Variants in CLASP2 observed in about 807,000 individuals in gnomAD.
CLASP2 encodes the protein CLIP-associating protein 2.
CLASP2 carries 47 observed loss-of-function variants against 194.4 expected under a neutral mutation model. The ratio of observed to expected loss-of-function variants is 0.24; its 90% CI spans 0.19 to 0.31. The LOEUF (loss-of-function observed/expected upper bound fraction) is 0.31. Ranked by LOEUF, CLASP2 falls within the 10% of genes least tolerant of loss-of-function variation. The pLI is 1.00. For missense variants in CLASP2, 1,445 were observed against 1,823.6 expected (o/e 0.79, Z 3.78); for synonymous variants, 619 against 633.5 (o/e 0.98, Z 0.34).
intron 34 of CLASP2, among the ~76,000 whole-genome samples, chr3:33,525,262 C>A (rs1416564296): frequency 6.6e-6 from 1 of 151,876 alleles, no homozygotes; most frequent in Admixed American, 6.6e-5. Flanking sequence ...GAAAACAGTG[C>A]TAAGGGGGAA....
chr3:33,668,516 G>T (rs1161950386), intron 6 of CLASP2, among the ~76,000 whole-genome samples: 2 of 152,184 alleles, frequency 1.3e-5, no homozygotes, highest in Non-Finnish European at 2.9e-5. Flanking sequence ...ATATATGGTA[G>T]TGGAAAAAGG....
Position 33,594,612 on chromosome 3 carries a change from C to G in CLASP2, c.1966+339G>C, listed in dbSNP as rs572900152. Among the ~76,000 whole-genome samples, 52 of 151,144 alleles carry G rather than the reference C, an allele frequency of 3.4e-4. No homozygotes were observed. The South Asian group carries it at 9.2e-3, about 27-fold the overall frequency. ...AAATGAATTGGCATAAATAAAAAAA[C>G]AAAAACACAAACATGTAAGAAAAGC... On this transcript the variant is annotated intron_variant, in intron 20 of 38. Coordinates refer to ENST00000682230, the MANE Select transcript of CLASP2 (RefSeq NM_001365631.1).
chr3:33,571,155 A>G lies in CLASP2; in HGVS notation c.2700-365T>C, dbSNP rs531789089. Among the ~76,000 whole-genome samples, 8 of 151,476 alleles carry G rather than the reference A, an allele frequency of 5.3e-5. No homozygotes were observed. In the South Asian group the frequency reaches 1.5e-3, roughly 28 times the overall value. On this transcript the variant is annotated intron_variant, in intron 25 of 38. Transcript: ENST00000682230. ...CAGCCTCCCGAGTAGCTGGGAGTAC[A>G]GGCGCCCGCCACCTCGCCCAGCTAA...
chr3:33,592,655 A>AT (rs750897387), intron 20 of CLASP2, 159 bp from the exon 21 acceptor site: 1,549 of 630,640 alleles, frequency 2.5e-3, no homozygotes, highest in East Asian at 2.8e-3. Flanking sequence ...ATAAACAGTA[A>AT]TTTTTTTTTT....
chr3:33,642,193 C>T (rs192314570), intron 8 of CLASP2, among the ~76,000 whole-genome samples: 32 of 151,918 alleles, frequency 2.1e-4, no homozygotes, highest in African/African-American at 7.5e-4. Flanking sequence ...TTCGATCCAG[C>T]GAACTTTAGA....
chr3:33,647,247 T>G (rs1472891944), intron 7 of CLASP2, among the ~76,000 whole-genome samples: 2 of 152,078 alleles, frequency 1.3e-5, no homozygotes, highest in African/African-American at 4.8e-5. Flanking sequence ...GATTTTAGAT[T>G]AATAATTTAT....
intron 28 of CLASP2, 22 bp downstream of exon 28, chr3:33,560,785 GA>G: frequency 6.2e-7 from 1 of 1,604,964 alleles, no homozygotes; most frequent in Non-Finnish European, 8.5e-7. Flanking sequence ...AGGTTAACTT[GA>G]AATATATGAA....
At chr3:33,623,288 T>A (rs758837708) in intron 10 of CLASP2, among the ~76,000 whole-genome samples, 2 of 152,170 alleles carry the variant, frequency 1.3e-5, no homozygotes, top group African/African-American at 4.8e-5. Context: ...TCCACTCTTT[T>A]AGTTATTTTG....
intron 25 of CLASP2, among the ~76,000 whole-genome samples, chr3:33,572,571 G>A (rs1392546874): frequency 1.3e-5 from 2 of 151,880 alleles, no homozygotes; most frequent in African/African-American, 4.8e-5. Context: ...GGCAAGTAGG[G>A]GGAAAAAACA....
At chr3:33,552,689 G>T (rs1328904903) in intron 29 of CLASP2, among the ~76,000 whole-genome samples, 2 of 152,116 alleles carry the variant, frequency 1.3e-5, no homozygotes, top group African/African-American at 2.4e-5. Context: ...CATCGTTTCA[G>T]TCACCCCTTT....
At chr3:33,683,214 C>T (rs896133276) in intron 6 of CLASP2, 2 of 152,234 alleles carry the variant, frequency 1.3e-5, no homozygotes, top group South Asian at 4.1e-4. Context: ...TAATTACATA[C>T]TAAATAATAA....
At chr3:33,569,849 T>C (rs182994816) in intron 26 of CLASP2, among the ~76,000 whole-genome samples, 148 of 152,292 alleles carry the variant, frequency 9.7e-4, no homozygotes, top group African/African-American at 3.5e-3. Flanking sequence ...GGGATTTCAT[T>C]ATCTTTAAGT....
chr3:33,613,426 G>C (rs1279141392), intron 12 of CLASP2, among the ~76,000 whole-genome samples: 2 of 152,178 alleles, frequency 1.3e-5, no homozygotes, highest in Non-Finnish European at 2.9e-5. Flanking sequence ...CAGCTCTCTA[G>C]CTGAAATAAT....
At chr3:33,681,162 A>G (rs1414913986) in intron 6 of CLASP2, among the ~76,000 whole-genome samples, 4 of 151,468 alleles carry the variant, frequency 2.6e-5, no homozygotes, top group Non-Finnish European at 5.9e-5. Context: ...ATTTCAATAT[A>G]AATTTAGAAA....
intron 26 of CLASP2, among the ~76,000 whole-genome samples, chr3:33,570,410 T>C (rs1045389113): frequency 6.6e-6 from 1 of 152,162 alleles, no homozygotes; most frequent in Admixed American, 6.5e-5. Flanking sequence ...AAAAACCTTT[T>C]CAACTTACCC....
chr3:33,557,672 TA>T (rs2061196817), intron 29 of CLASP2, among the ~76,000 whole-genome samples: 1 of 152,220 alleles, frequency 6.6e-6, no homozygotes, highest in African/African-American at 2.4e-5. Context: ...CAGGAACACC[TA>T]GCACACTGCC....
At chr3:33,528,645 C>T (rs2055282319) in intron 34 of CLASP2, among the ~76,000 whole-genome samples, 1 of 152,022 alleles carries the variant, frequency 6.6e-6, no homozygotes, top group African/African-American at 2.4e-5. Flanking sequence ...GCCTGTAGTC[C>T]CAGCTACTTG....
chr3:33,546,998 T>C (rs2059249759), intron 30 of CLASP2, among the ~76,000 whole-genome samples: 1 of 152,238 alleles, frequency 6.6e-6, no homozygotes, highest in Non-Finnish European at 1.5e-5. Context: ...TATTTTCCTG[T>C]ATCTATTGAG....
rs758943468 is a variant in CLASP2, at chr3:33,696,855, C to T, written c.274G>A (p.Val92Ile). Residue 92 changes from valine to isoleucine, a missense_variant and splice_region_variant, in exon 2 of 39, where the codon GTT becomes ATT. By Grantham distance (29) the Val-to-Ile change is conservative. This residue lies in a region of CLASP2 where 332 missense variants were observed against 325.3 expected (regional missense o/e 1.02). Coordinates refer to ENST00000682230, the MANE Select transcript of CLASP2 (RefSeq NM_001365631.1). ...TTGTAAATAAACAAAGTTAACTTAC[C>T]CATTGCTACATAGGATTTAAAGCGT... ...STRFKSYVAM[V>I]IVALIDRMGD... The T allele has an allele frequency of 4.5e-6, 7 of 1,569,674 alleles. No homozygotes were observed. The East Asian group carries it at 1.4e-4, about 31-fold the overall frequency.
Sources: allele counts gnomAD v4.1 joint callset (sites outside exome capture counted in the v4.1 genomes callset), GRCh38; gene constraint gnomAD v4.1.1; regional missense constraint gnomAD v4.1.1; transcripts MANE v1.5; gene names NCBI Gene and HGNC (gene_info 2026-07-23, HGNC 2026-07-21).